ST18: variants seen among roughly 807,000 people sequenced by gnomAD.
ST18 encodes suppression of tumorigenicity 18 protein.
Under a neutral mutation model 110.0 loss-of-function variants are expected in ST18, and 50 were observed. That is an observed-to-expected ratio of 0.45 (90% CI 0.36 to 0.58). The LOEUF is 0.58. Among genes scored for constraint, ST18 ranks in the 20% least tolerant of loss-of-function variants. The pLI, the probability that ST18 is intolerant of heterozygous loss-of-function variation, is 0.00. For missense variants in ST18, 1,306 were observed against 1,280.1 expected, an observed-to-expected ratio of 1.02 and a Z score of -0.31; for synonymous variants, 461 against 452.4, an observed-to-expected ratio of 1.02 and a Z score of -0.24.
intron 8 of ST18, among the ~76,000 whole-genome samples, 172 bp from the exon 9 acceptor site, chr8:52,180,484 G>A (rs937124792): frequency 5.9e-5 from 9 of 152,090 alleles, no homozygotes; most frequent in Non-Finnish European, 1.3e-4. Context: ...TGAACTGTGT[G>A]GATTCTATTT....
intron 8 of ST18, among the ~76,000 whole-genome samples, chr8:52,181,161 C>A (rs535730915): frequency 6.6e-6 from 1 of 151,998 alleles, no homozygotes; most frequent in Non-Finnish European, 1.5e-5. Flanking sequence ...TGGCCAACTG[C>A]GAGTCTATAA....
intron 2 of ST18, among the ~76,000 whole-genome samples, chr8:52,283,952 AAT>A (rs2095428387): frequency 6.6e-6 from 1 of 152,248 alleles, no homozygotes; most frequent in Admixed American, 6.5e-5. Flanking sequence ...GAACATGGCA[AAT>A]CCATGGTGAT....
intron 2 of ST18, among the ~76,000 whole-genome samples, chr8:52,273,617 TACA>T (rs887976418): frequency 6.6e-6 from 1 of 152,326 alleles, no homozygotes; most frequent in East Asian, 1.9e-4. Context: ...TTATTTCTTT[TACA>T]ACAAGAGAAC....
chr8:52,194,926 C>T (rs117532376), intron 8 of ST18, among the ~76,000 whole-genome samples: 3 of 152,120 alleles, frequency 2.0e-5, no homozygotes, highest in Non-Finnish European at 2.9e-5. Flanking sequence ...ATTCAATCAT[C>T]GGCTAAAACA....
intron 2 of ST18, among the ~76,000 whole-genome samples, chr8:52,402,245 C>T (rs1251129969): frequency 6.6e-6 from 1 of 152,172 alleles, no homozygotes; most frequent in Non-Finnish European, 1.5e-5. Flanking sequence ...ACATGGGCCA[C>T]AGGCAGCCAT....
In ST18 at chr8:52,252,212, G is replaced by A. The variant is rs1025145775; in HGVS notation, c.-464-22135C>T. Among the ~76,000 whole-genome samples the A allele has an allele frequency of 7.2e-5, 11 of 152,130 alleles. 1 individual carries two copies. The highest frequency in any genetic ancestry group is 5.8e-4 in the East Asian group (3 of 5,190). ...AAGTTATACTGGGTTTTGCAATTTG[G>A]TTATAGGAGTAAGGTTGTTACTTAC... On this transcript the variant is annotated intron_variant, in intron 2 of 25. Coordinates refer to ENST00000689386, the MANE Select transcript of ST18 (RefSeq NM_001352837.2).
intron 2 of ST18, among the ~76,000 whole-genome samples, chr8:52,378,719 T>C (rs1287088280): frequency 6.6e-6 from 1 of 152,266 alleles, no homozygotes; most frequent in Non-Finnish European, 1.5e-5. Flanking sequence ...ATAACTTATC[T>C]AGTTAACTAC....
At chr8:52,170,482 A>T (rs2064507662) in intron 10 of ST18, among the ~76,000 whole-genome samples, 1 of 151,504 alleles carries the variant, frequency 6.6e-6, no homozygotes, top group African/African-American at 2.4e-5. Flanking sequence ...AAATAAATAA[A>T]TAAATAAATA....
At chr8:52,259,541 TAATG>T (rs540049384) in intron 2 of ST18, among the ~76,000 whole-genome samples, 3 of 152,176 alleles carry the variant, frequency 2.0e-5, no homozygotes, top group Non-Finnish European at 4.4e-5. Context: ...GACATTTTGA[TAATG>T]AATGAAAGAT....
chr8:52,375,162 T>C (rs1042956322), intron 2 of ST18, among the ~76,000 whole-genome samples: 6 of 152,128 alleles, frequency 3.9e-5, no homozygotes, highest in Non-Finnish European at 4.4e-5. Flanking sequence ...TTGGGCAGCA[T>C]CATTCCCAGC....
intron 2 of ST18, among the ~76,000 whole-genome samples, chr8:52,326,997 T>C (rs1806745794): frequency 6.6e-6 from 1 of 152,216 alleles, no homozygotes; most frequent in Non-Finnish European, 1.5e-5. Context: ...TCTCTCAAAG[T>C]GCCACCGGAG....
At chr8:52,295,496 G>A (rs779334405) in intron 2 of ST18, among the ~76,000 whole-genome samples, 1 of 152,050 alleles carries the variant, frequency 6.6e-6, no homozygotes, top group Non-Finnish European at 1.5e-5. Flanking sequence ...TGGATCATTT[G>A]TATACAGCCA....
chr8:52,335,348 C>T (rs1373347734), intron 2 of ST18, among the ~76,000 whole-genome samples: 1 of 152,172 alleles, frequency 6.6e-6, no homozygotes, highest in Non-Finnish European at 1.5e-5. Context: ...CTCAGGGATC[C>T]ACCACCAATC....
In ST18 at chr8:52,269,987, C is replaced by G. The variant is rs187239184; in HGVS notation, c.-464-39910G>C. On this transcript the variant is annotated intron_variant, in intron 2 of 25. Coordinates refer to ENST00000689386, the MANE Select transcript of ST18 (RefSeq NM_001352837.2). Reference sequence around the variant, plus strand: ...AGTTTAAAAAACAACTTGTGTTAATCATGGCAAAACCACATTTTTTCCCCC... The same window carrying G: ...AGTTTAAAAAACAACTTGTGTTAATGATGGCAAAACCACATTTTTTCCCCC... Among the ~76,000 whole-genome samples, 1,235 of 151,196 alleles carry G rather than the reference C, an allele frequency of 8.2e-3. 13 individuals are homozygous for G. Among genetic ancestry groups the G allele is most frequent in the Non-Finnish European group, 0.014 (951 of 68,020 alleles).
At chr8:52,173,813 CT>C (rs2065899420) in intron 9 of ST18, among the ~76,000 whole-genome samples, 1 of 152,216 alleles carries the variant, frequency 6.6e-6, no homozygotes, top group African/African-American at 2.4e-5. Flanking sequence ...TAATAAACAT[CT>C]TTGGAGGGAA....
At chr8:52,145,693 T>A (rs763449139) in intron 16 of ST18, among the ~76,000 whole-genome samples, 2 of 152,180 alleles carry the variant, frequency 1.3e-5, no homozygotes, top group Non-Finnish European at 2.9e-5. Context: ...TATGTGTGTG[T>A]TTAGAGAGTA....
chr8:52,156,487 T>C (rs2060049802), intron 15 of ST18, among the ~76,000 whole-genome samples: 1 of 152,186 alleles, frequency 6.6e-6, no homozygotes, highest in Admixed American at 6.5e-5. Context: ...GCATTCAATG[T>C]GGAGGTGAAG....
rs906382389 is a variant in ST18 at position 52,326,606 on chromosome 8, T to C, written c.-465+82722A>G. ...GTCAATGGTGCCTCCTGTATCACCA[T>C]AACAATGCATAAAATGTATATTTCA... On this transcript the variant is annotated intron_variant, in intron 2 of 25. Transcript: ENST00000689386. 2.0e-5 allele frequency among the ~76,000 whole-genome samples: 3 copies of C among 152,110 alleles called. No individual in the cohort carries two copies. The South Asian group carries it at 6.2e-4, about 31-fold the overall frequency.
At chr8:52,402,891 T>C (rs987397904) in intron 2 of ST18, among the ~76,000 whole-genome samples, 1 of 152,072 alleles carries the variant, frequency 6.6e-6, no homozygotes, top group African/African-American at 2.4e-5. Context: ...GTATACCACA[T>C]CAGCTCAGCA....
Sources: gnomAD v4.1 joint callset for allele counts (sites outside exome capture counted in the v4.1 genomes callset) on GRCh38, gnomAD v4.1.1 for gene constraint, MANE v1.5 for transcripts, NCBI Gene and HGNC (gene_info 2026-07-23, HGNC 2026-07-21) for gene names.